SPTBN1: variants seen among roughly 807,000 people sequenced by gnomAD.
SPTBN1 encodes the protein spectrin beta, non-erythrocytic 1.
A neutral mutation model predicts 266.4 loss-of-function variants in SPTBN1; 32 were observed. That is an observed-to-expected ratio of 0.12 (90% CI 0.09 to 0.16). The LOEUF (loss-of-function observed/expected upper bound fraction) is 0.16. Among genes scored for constraint, SPTBN1 ranks in the 10% least tolerant of loss-of-function variants. The probability of loss-of-function intolerance (pLI) is 1.00; values close to 1 mark genes in which losing one functional copy is unlikely to be tolerated. For missense variants in SPTBN1, 2,296 were observed against 3,067.1 expected (o/e 0.75, Z 5.94); for synonymous variants, 1,336 against 1,162.2 (o/e 1.15, Z -3.04).
Position 54,637,772 on chromosome 2 carries a change from A to T in SPTBN1, c.3827A>T (p.Asp1276Val). Reference protein sequence around the residue: ...ELLMRLKDNRDLQKFLQDCQE... With the variant: ...ELLMRLKDNRVLQKFLQDCQE... Reference sequence around the variant, plus strand: ...TTGATGAGGTTGAAGGACAACAGGGATCTACAGAAATTCCTGCAAGATTGT... The same window carrying T: ...TTGATGAGGTTGAAGGACAACAGGGTTCTACAGAAATTCCTGCAAGATTGT... The change falls in exon 18 of 36, where the codon GAT becomes GTT. Residue 1276 changes from aspartate to valine, a missense_variant. By Grantham distance (152) the Asp-to-Val change is radical. Around this residue, in one of 12 missense-constraint regions of SPTBN1, gnomAD observed 386 missense variants for 486.1 expected, o/e 0.79. Coordinates refer to ENST00000356805, the MANE Select transcript of SPTBN1 (RefSeq NM_003128.3). 6.2e-7 allele frequency: 1 copy of T among 1,613,982 alleles called. No individual in the cohort carries two copies. Among genetic ancestry groups the T allele is most frequent in the Non-Finnish European group, 8.5e-7 (1 of 1,179,894 alleles).
chr2:54,508,881 A>G (rs141008776), intron 1 of SPTBN1, among the ~76,000 whole-genome samples: 3 of 152,356 alleles, frequency 2.0e-5, no homozygotes, highest in African/African-American at 7.2e-5. Context: ...TTCTTATTAA[A>G]GAGGCATTAT....
chr2:54,500,156 C>T (rs981183168), intron 1 of SPTBN1, among the ~76,000 whole-genome samples: 4 of 152,148 alleles, frequency 2.6e-5, no homozygotes, highest in African/African-American at 9.7e-5. Flanking sequence ...CAAGTAGTCA[C>T]GTTTGTTAGG....
At chr2:54,509,219 G>T (rs905765593) in intron 1 of SPTBN1, among the ~76,000 whole-genome samples, 1 of 152,206 alleles carries the variant, frequency 6.6e-6, no homozygotes, top group Non-Finnish European at 1.5e-5. Context: ...TGGAGAAAGG[G>T]AGTGAATGTC....
At chr2:54,526,340 C>T (rs1032489491) in intron 1 of SPTBN1, 32 bp from the exon 2 acceptor site, 14 of 1,561,976 alleles carry the variant, frequency 9.0e-6, no homozygotes, top group African/African-American at 2.7e-5. Context: ...ACACTTCAGA[C>T]GTCTAAATGT....
At chr2:54,627,296 C>T (rs1678412393) in intron 12 of SPTBN1, among the ~76,000 whole-genome samples, 1 of 152,186 alleles carries the variant, frequency 6.6e-6, no homozygotes, top group South Asian at 2.1e-4. Context: ...TTTTATAAAT[C>T]ATGATGCACA....
chr2:54,530,652 C>T (rs533290161), intron 2 of SPTBN1, among the ~76,000 whole-genome samples: 20 of 152,092 alleles, frequency 1.3e-4, no homozygotes, highest in African/African-American at 1.9e-4. Flanking sequence ...CCACCGCGCC[C>T]GGCTTAAAAA....
In SPTBN1 at chr2:54,644,058, C is replaced by G. The variant is rs565954022; in HGVS notation, c.4006-265C>G. Among the ~76,000 whole-genome samples, 8 of 152,092 alleles carry G rather than the reference C, an allele frequency of 5.3e-5. No homozygotes were observed. In the South Asian group the frequency reaches 1.5e-3, roughly 28 times the overall value. Reference sequence around the variant, plus strand: ...TCATGGAATGGAGGAGATAAAGTCACGTTATTAGCATTCAGTATTCCGTTG... The same window carrying G: ...TCATGGAATGGAGGAGATAAAGTCAGGTTATTAGCATTCAGTATTCCGTTG... On this transcript the variant is annotated intron_variant, in intron 19 of 35. Coordinates refer to ENST00000356805, the MANE Select transcript of SPTBN1 (RefSeq NM_003128.3).
chr2:54,570,990 G>C (rs568355523), intron 2 of SPTBN1, among the ~76,000 whole-genome samples: 9 of 152,114 alleles, frequency 5.9e-5, no homozygotes, highest in African/African-American at 2.2e-4. Context: ...TGTTGAGGGA[G>C]ACGTTTATTC....
chr2:54,668,802 G>A lies in SPTBN1; in HGVS notation c.*233G>A, dbSNP rs1681558433. The stretch of plus-strand genomic sequence containing the variant: ...GGGAAGGCCAGATTTTTTTTTTAAT[G>A]AAATTATATAGATTAGATCTCAGTA... On this transcript the variant is annotated 3_prime_UTR_variant, in exon 36 of 36. Coordinates refer to ENST00000356805, the MANE Select transcript of SPTBN1 (RefSeq NM_003128.3). 6.0e-6 allele frequency: 3 copies of A among 502,466 alleles called. No individual in the cohort carries two copies. The highest frequency in any genetic ancestry group is 1.1e-5 in the Non-Finnish European group (3 of 280,518). The allele number at this position is 502,466 out of a possible 1,614,324, so 31.1% of individuals were successfully genotyped here.
intron 1 of SPTBN1, among the ~76,000 whole-genome samples, chr2:54,476,150 C>T (rs1430986320): frequency 6.6e-6 from 1 of 152,060 alleles, no homozygotes; most frequent in Non-Finnish European, 1.5e-5. Context: ...ATTTTCCACT[C>T]ATGTTACTTG....
chr2:54,529,279 A>G, intron 2 of SPTBN1: 1 of 455,060 alleles, frequency 2.2e-6, no homozygotes, highest in Non-Finnish European at 4.2e-6. Flanking sequence ...GCTAAAGTCT[A>G]GGAAGAAATA....
chr2:54,634,768 T>A (rs1463459110), intron 17 of SPTBN1, among the ~76,000 whole-genome samples: 1 of 152,234 alleles, frequency 6.6e-6, no homozygotes, highest in African/African-American at 2.4e-5. Flanking sequence ...TGTGCTTACG[T>A]TCAGGAAGTT....
At chr2:54,473,665 C>G (rs1402520806) in intron 1 of SPTBN1, among the ~76,000 whole-genome samples, 1 of 152,168 alleles carries the variant, frequency 6.6e-6, no homozygotes, top group Non-Finnish European at 1.5e-5. Flanking sequence ...GGATAGTTTT[C>G]ACCTCCCACC....
chr2:54,523,015 T>C (rs552590782), intron 1 of SPTBN1, among the ~76,000 whole-genome samples: 2 of 152,168 alleles, frequency 1.3e-5, no homozygotes, highest in African/African-American at 4.8e-5. Context: ...CACTTTCACA[T>C]TTTCTCCCTA....
chr2:54,618,072 G>A lies in SPTBN1; in HGVS notation c.648-6G>A, dbSNP rs771112985. ...TTTTGTTGTGTCCCACTGTTGTTCT[G>A]CACAGGCCTGACCTGATAGATTTTG... On this transcript the variant is annotated splice_polypyrimidine_tract_variant and splice_region_variant and intron_variant, in intron 6 of 35. Transcript: ENST00000356805. 3.7e-6 allele frequency: 6 copies of A among 1,610,644 alleles called. No individual in the cohort carries two copies. The African/African-American group carries it at 5.4e-5, about 14-fold the overall frequency.
intron 19 of SPTBN1, among the ~76,000 whole-genome samples, chr2:54,644,116 T>G (rs1028146192): frequency 1.3e-5 from 2 of 152,188 alleles, no homozygotes; most frequent in African/African-American, 4.8e-5. Context: ...ATGTAACATT[T>G]ATTGCTTAAT....
chr2:54,668,671 A>C lies in SPTBN1; in HGVS notation c.*102A>C. On this transcript the variant is annotated 3_prime_UTR_variant, in exon 36 of 36. Transcript: ENST00000356805. ...TACTCTCTGTGCCTAATGTTCCTCAATGTGGTTGATTTTTTTTTTTTTTTA... is the reference window on the plus strand; with the variant it reads ...TACTCTCTGTGCCTAATGTTCCTCACTGTGGTTGATTTTTTTTTTTTTTTA... 1.7e-5 allele frequency: 14 copies of C among 844,044 alleles called. No homozygotes were observed. The highest frequency in any genetic ancestry group is 3.4e-5 in the Admixed American group (1 of 29,778). The allele number at this position is 844,044 out of a possible 1,614,324, so 52.3% of individuals were successfully genotyped here.
intron 2 of SPTBN1, among the ~76,000 whole-genome samples, chr2:54,559,710 A>G (rs936361695): frequency 2.0e-5 from 3 of 152,130 alleles, no homozygotes; most frequent in Admixed American, 6.5e-5. Flanking sequence ...AAGGTTCCTA[A>G]CTGAAAACAG....
chr2:54,555,001 T>G (rs1672782884), intron 2 of SPTBN1, among the ~76,000 whole-genome samples: 1 of 152,200 alleles, frequency 6.6e-6, no homozygotes, highest in African/African-American at 2.4e-5. Context: ...GACCTGCTAA[T>G]TGGCACACCA....
Sources: gnomAD v4.1 joint callset for allele counts (sites outside exome capture counted in the v4.1 genomes callset) on GRCh38, gnomAD v4.1.1 for gene constraint, gnomAD v4.1.1 regional missense constraint, MANE v1.5 for transcripts, NCBI Gene and HGNC (gene_info 2026-07-23, HGNC 2026-07-21) for gene names.